The following PASK variants were observed in gnomAD, a reference collection of about 807,000 sequenced individuals.
PASK encodes PAS domain-containing serine/threonine-protein kinase.
PASK carries 110 observed loss-of-function variants against 121.0 expected under a neutral mutation model. The ratio of observed to expected loss-of-function variants is 0.91; its 90% CI spans 0.78 to 1.06. The LOEUF is 1.06. PASK is among the 50% of genes least tolerant of loss of function. PASK has a pLI of 0.00. For missense variants in PASK, 1,643 were observed against 1,702.3 expected (o/e 0.97, Z 0.61); for synonymous variants, 686 against 717.8 (o/e 0.96, Z 0.71).
chr2:241,127,062 C>G lies in PASK; in HGVS notation c.1853G>C (p.Gly618Ala). 1 of 1,614,166 alleles carries G rather than the reference C, an allele frequency of 6.2e-7. No homozygotes were observed. Among genetic ancestry groups the G allele is most frequent in the Admixed American group, 1.7e-5 (1 of 60,036 alleles). The part of the protein sequence containing the change: ...MHCPCYGSEW[G>A]LWWRSQDLAP... ...CAAGTCCTGGCTTCGCCACCACAAG[C>G]CCCATTCACTCCCATAGCAAGGGCA... Residue 618 changes from glycine (G) to alanine (A), a missense_variant, in exon 10 of 18, where the codon GGC (glycine) becomes GCC (alanine). Gly to Ala is a moderately conservative substitution (Grantham distance 60). Coordinates refer to ENST00000234040, the MANE Select transcript of PASK (RefSeq NM_015148.4).
chr2:241,119,508 C>T (rs1156267538), intron 12 of PASK, among the ~76,000 whole-genome samples: 1 of 145,294 alleles, frequency 6.9e-6, no homozygotes, highest in Non-Finnish European at 1.5e-5. Context: ...CTTGCTCTGT[C>T]GCCCAGGCTG....
At chr2:241,114,438 A>T (rs1359607900) in intron 14 of PASK, 1 of 994,160 alleles carries the variant, frequency 1.0e-6, no homozygotes, top group Non-Finnish European at 1.2e-6. Context: ...ACAGGATGGA[A>T]CCGCCACCCT....
Position 241,126,683 on chromosome 2 carries a change from C to G in PASK, c.2232G>C (p.Lys744Asn), listed in dbSNP as rs1181851142. The stretch of plus-strand genomic sequence containing the variant: ...CTGTCTGGTCACTGAAAAAGAGTTC[C>G]TTGAGGTTCCAGGAAAACGAATTCA... ...VDVNSFSWNL[K>N]ELFFSDQTDQ... Residue 744 changes from lysine (K) to asparagine (N), a missense_variant, in exon 10 of 18, where the codon AAG becomes AAC. Around this residue, in one of 3 missense-constraint regions of PASK, gnomAD observed 1,176 missense variants for 1,162.2 expected, o/e 1.01. Coordinates refer to ENST00000234040, the MANE Select transcript of PASK (RefSeq NM_015148.4). 1.2e-6 allele frequency: 2 copies of G among 1,614,206 alleles called. No homozygotes were observed.
rs1337706351 is a variant in PASK at position 241,126,184 on chromosome 2, C to A, written c.2719+12G>T. The A allele has an allele frequency of 1.9e-6, 3 of 1,613,280 alleles. No individual in the cohort carries two copies. Among genetic ancestry groups the A allele is most frequent in the African/African-American group, 1.3e-5 (1 of 74,898 alleles). ...GAGCACCACACTTCTTCCTATGGGG[C>A]CCGGGACATACTCAGCCGTAAGCCA... On this transcript the variant is annotated intron_variant, in intron 10 of 17. Transcript: ENST00000234040.
intron 12 of PASK, among the ~76,000 whole-genome samples, chr2:241,122,530 C>T (rs113493391): frequency 0.014 from 2,122 of 152,288 alleles, 21 homozygotes; most frequent in South Asian, 0.032. Flanking sequence ...TACAATTGGA[C>T]GGGATCAGCA....
chr2:241,133,982 CAA>C (rs371863045), intron 8 of PASK: 34,589 of 117,610 alleles, frequency 0.29, 5,087 homozygotes, highest in Middle Eastern at 0.5. Flanking sequence ...AACTCTGTCT[CAA>C]AAAAAAAAAA....
chr2:241,135,918 C>T lies in PASK; in HGVS notation c.1259G>A (p.Arg420Lys). Residue 420 changes from arginine to lysine, a missense_variant, in exon 8 of 18, where the codon AGA (arginine) becomes AAA (lysine). Around this residue, in one of 3 missense-constraint regions of PASK, gnomAD observed 1,176 missense variants for 1,162.2 expected, o/e 1.01. Transcript: ENST00000234040. Reference sequence around the variant, plus strand: ...CTGGCCCTGCCACGGGTCCAAGGTTCTCTCCCCACACCCACTCTCATTGCC... The same window carrying T: ...CTGGCCCTGCCACGGGTCCAAGGTTTTCTCCCCACACCCACTCTCATTGCC... ...DVGNESGCGE[R>K]TLDPWQGQDP... The T allele has an allele frequency of 3.7e-6, 6 of 1,614,218 alleles. No individual in the cohort carries two copies. Among genetic ancestry groups the T allele is most frequent in the Non-Finnish European group, 5.1e-6 (6 of 1,180,040 alleles).
chr2:241,136,759 C>G (rs1457375875), intron 7 of PASK, among the ~76,000 whole-genome samples: 1 of 152,254 alleles, frequency 6.6e-6, no homozygotes, highest in African/African-American at 2.4e-5. Flanking sequence ...CAGACCAGAT[C>G]TCTCAGGGCT....
rs371902898 is a variant in PASK, at chr2:241,108,311, G to A, written c.3534-11C>T. 13 of 1,613,916 alleles carry A rather than the reference G, an allele frequency of 8.1e-6. No individual in the cohort carries two copies. The highest frequency in any genetic ancestry group is 3.3e-5 in the Admixed American group (2 of 60,026). On this transcript the variant is annotated splice_polypyrimidine_tract_variant and intron_variant, in intron 15 of 17. Transcript: ENST00000234040. This position sits in a 1 kb window ranked among gnomAD's most constrained non-coding sequence, Gnocchi z 5.2. ...TCCGGCCCTCTGTAGCTGTGAGGAGGAGGAGGCATCAGGACGCCACGGCAC... is the reference window on the plus strand; with the variant it reads ...TCCGGCCCTCTGTAGCTGTGAGGAGAAGGAGGCATCAGGACGCCACGGCAC...
In PASK at chr2:241,108,501, G is replaced by C; in HGVS notation, c.3534-201C>G. On this transcript the variant is annotated intron_variant, in intron 15 of 17. Coordinates refer to ENST00000234040, the MANE Select transcript of PASK (RefSeq NM_015148.4). The surrounding 1 kb of genome is among the most constrained non-coding windows in gnomAD (Gnocchi z 5.2). ...AGGCCAGCCAGCAGGCCATGTGCCAGGAGTGGAGAGGCCATCGGGCAGCTC... is the reference window on the plus strand; with the variant it reads ...AGGCCAGCCAGCAGGCCATGTGCCACGAGTGGAGAGGCCATCGGGCAGCTC... 1.6e-6 allele frequency: 1 copy of C among 639,730 alleles called. No individual in the cohort carries two copies. Among genetic ancestry groups the C allele is most frequent in the Non-Finnish European group, 2.8e-6 (1 of 354,318 alleles). The allele number at this position is 639,730 out of a possible 1,614,324, so 39.6% of individuals were successfully genotyped here.
Sources: allele counts gnomAD v4.1 joint callset (sites outside exome capture counted in the v4.1 genomes callset), GRCh38; gene constraint gnomAD v4.1.1; regional missense constraint gnomAD v4.1.1; non-coding constraint Gnocchi (gnomAD v3.1); transcripts MANE v1.5; gene names NCBI Gene and HGNC (gene_info 2026-07-23, HGNC 2026-07-21).